The following PDCD1LG2 variants were observed in gnomAD, a reference collection of about 807,000 sequenced individuals.
PDCD1LG2 encodes programmed cell death 1 ligand 2.
Under a neutral mutation model 28.2 loss-of-function variants are expected in PDCD1LG2, and 32 were observed. That is an observed-to-expected ratio of 1.13 (90% confidence interval 0.86 to 1.52). The LOEUF (loss-of-function observed/expected upper bound fraction) is 1.52. Among genes scored for constraint, PDCD1LG2 ranks in the 40% most tolerant of loss-of-function variants. The pLI is 0.00. For missense variants in PDCD1LG2, 385 were observed against 323.8 expected, an observed-to-expected ratio of 1.19 and a Z score of -1.45; for synonymous variants, 116 against 120.2, an observed-to-expected ratio of 0.97 and a Z score of 0.23.
chr9:5,550,781 C>T (rs1471985232), intron 4 of PDCD1LG2, among the ~76,000 whole-genome samples: 2 of 152,092 alleles, frequency 1.3e-5, no homozygotes, highest in Middle Eastern at 6.3e-3. Flanking sequence ...GCAACCCCTG[C>T]CTCCCGGGTT....
chr9:5,515,922 C>CAATAAAA (rs1820150584), intron 1 of PDCD1LG2, among the ~76,000 whole-genome samples: 1 of 30,298 alleles, frequency 3.3e-5, no homozygotes, highest in Non-Finnish European at 6.0e-5. Flanking sequence ...GACTCCATCT[C>CAATAAAA]AAAAAAAAAA....
At chr9:5,568,375 T>C (rs769127825) in intron 6 of PDCD1LG2, among the ~76,000 whole-genome samples, 1 of 152,186 alleles carries the variant, frequency 6.6e-6, no homozygotes, top group African/African-American at 2.4e-5. Flanking sequence ...TAGATTCTCA[T>C]AGAAGCGTGA....
At chr9:5,523,962 G>A (rs1190027684) in intron 2 of PDCD1LG2, among the ~76,000 whole-genome samples, 1 of 152,216 alleles carries the variant, frequency 6.6e-6, no homozygotes, top group Non-Finnish European at 1.5e-5. Context: ...TTTCTACAGA[G>A]GAAGGATCTT....
intron 2 of PDCD1LG2, among the ~76,000 whole-genome samples, chr9:5,532,180 A>G (rs1340611811): frequency 6.6e-6 from 1 of 152,226 alleles, no homozygotes; most frequent in Non-Finnish European, 1.5e-5. Flanking sequence ...AAGTGCAGAT[A>G]TGATTAGCAT....
chr9:5,554,439 A>G (rs987204977), intron 4 of PDCD1LG2, among the ~76,000 whole-genome samples: 1 of 152,222 alleles, frequency 6.6e-6, no homozygotes, highest in Non-Finnish European at 1.5e-5. Context: ...AAGTTGTCTT[A>G]TGACTGTTCC....
rs1312469653 is a variant in PDCD1LG2, at chr9:5,567,375, C to T, written c.817-2579C>T. On this transcript the variant is annotated intron_variant, in intron 6 of 6. Coordinates refer to ENST00000397747, the MANE Select transcript of PDCD1LG2 (RefSeq NM_025239.4). ...CTGAGTCCTTGTCTGTGACACACTG[C>T]CCTTTCCATTTGTGGAAGTTGTTCT... Among the ~76,000 whole-genome samples the T allele has an allele frequency of 2.0e-5, 3 of 152,224 alleles. No individual in the cohort carries two copies. In the East Asian group the frequency reaches 5.8e-4, roughly 29 times the overall value.
chr9:5,529,332 G>A (rs1349482668), intron 2 of PDCD1LG2, among the ~76,000 whole-genome samples: 1 of 152,118 alleles, frequency 6.6e-6, no homozygotes, highest in African/African-American at 2.4e-5. Flanking sequence ...TATATAAGGT[G>A]TGATGTATAG....
chr9:5,529,225 C>G (rs528580585), intron 2 of PDCD1LG2, among the ~76,000 whole-genome samples: 2 of 152,324 alleles, frequency 1.3e-5, no homozygotes, highest in South Asian at 4.1e-4. Context: ...AAACTCTTTA[C>G]ATAACCCAAG....
intron 2 of PDCD1LG2, among the ~76,000 whole-genome samples, chr9:5,524,351 T>C (rs575568312): frequency 3.9e-4 from 60 of 152,364 alleles, no homozygotes; most frequent in Admixed American, 2.6e-4. Context: ...TGAATATGGA[T>C]ACGTATTGAA....
chr9:5,525,979 G>C (rs998972538), intron 2 of PDCD1LG2, among the ~76,000 whole-genome samples: 3 of 151,316 alleles, frequency 2.0e-5, no homozygotes, highest in African/African-American at 7.3e-5. Context: ...CCAGGGAGTC[G>C]GAGGTGGCGG....
chr9:5,551,040 A>G (rs1816321319), intron 4 of PDCD1LG2, among the ~76,000 whole-genome samples: 1 of 151,966 alleles, frequency 6.6e-6, no homozygotes, highest in African/African-American at 2.4e-5. Flanking sequence ...CCTCTTAAGG[A>G]CCCTTGTGAT....
chr9:5,530,527 T>C (rs1362313926), intron 2 of PDCD1LG2, among the ~76,000 whole-genome samples: 4 of 150,676 alleles, frequency 2.7e-5, no homozygotes, highest in African/African-American at 7.3e-5. Flanking sequence ...CCAGTGGATA[T>C]ATAGTCATAA....
chr9:5,516,130 C>A (rs1451883693), intron 1 of PDCD1LG2, among the ~76,000 whole-genome samples: 1 of 151,846 alleles, frequency 6.6e-6, no homozygotes, highest in Non-Finnish European at 1.5e-5. Flanking sequence ...CGGCTCACTG[C>A]AACCTCTGCC....
At chr9:5,557,251 T>TGATGGATG (rs1816461113) in intron 4 of PDCD1LG2, among the ~76,000 whole-genome samples, 1 of 151,184 alleles carries the variant, frequency 6.6e-6, no homozygotes, top group South Asian at 2.1e-4. Context: ...GATGATTAGA[T>TGATGGATG]GATAGATGGA....
intron 1 of PDCD1LG2, among the ~76,000 whole-genome samples, chr9:5,516,986 G>A (rs952055074): frequency 1.3e-5 from 2 of 152,186 alleles, no homozygotes; most frequent in African/African-American, 4.8e-5. Flanking sequence ...AGTACGGGGC[G>A]GGACTCCCAC....
rs2129793957 is a variant in PDCD1LG2, at chr9:5,534,887, A to C, written c.198A>C (p.Thr66=). ...GTTTGCAAAAGGTGGAAAATGATAC[A>C]TCCCCACACCGTGAAAGAGCCACTT... is the stretch of plus-strand genomic sequence containing the variant. The part of the protein sequence containing the change: ...TASLQKVEND[T]SPHRERATLL... The change falls in exon 3 of 7, where the codon ACA becomes ACC. Residue 66 remains threonine, a synonymous_variant. Coordinates refer to ENST00000397747, the MANE Select transcript of PDCD1LG2 (RefSeq NM_025239.4). 1 of 1,614,136 alleles carries C rather than the reference A, an allele frequency of 6.2e-7. No homozygotes were observed. Among genetic ancestry groups the C allele is most frequent in the East Asian group, 2.2e-5 (1 of 44,878 alleles).
At chr9:5,528,295 CA>C (rs1184651326) in intron 2 of PDCD1LG2, among the ~76,000 whole-genome samples, 1 of 148,046 alleles carries the variant, frequency 6.8e-6, no homozygotes, top group African/African-American at 2.5e-5. Context: ...TATACACACA[CA>C]CACACATATT....
intron 3 of PDCD1LG2, among the ~76,000 whole-genome samples, chr9:5,536,563 C>A (rs962012083): frequency 1.3e-5 from 2 of 152,174 alleles, no homozygotes; most frequent in Non-Finnish European, 2.9e-5. Flanking sequence ...TATCTGCAAC[C>A]CTAAATCACC....
intron 1 of PDCD1LG2, among the ~76,000 whole-genome samples, chr9:5,516,642 C>T (rs998077901): frequency 6.6e-6 from 1 of 152,200 alleles, no homozygotes; most frequent in Non-Finnish European, 1.5e-5. Flanking sequence ...TGCCCTGAGC[C>T]ACCCTCAGCC....
Sources: allele counts gnomAD v4.1 joint callset (sites outside exome capture counted in the v4.1 genomes callset), GRCh38; gene constraint gnomAD v4.1.1; transcripts MANE v1.5; gene names NCBI Gene and HGNC (gene_info 2026-07-23, HGNC 2026-07-21).